KALRN: variants seen among roughly 807,000 people sequenced by gnomAD.
KALRN encodes kalirin RhoGEF kinase, also known as kalirin.
A neutral mutation model predicts 353.7 loss-of-function variants in KALRN; 70 were observed. That is an observed-to-expected ratio of 0.20 (90% CI 0.16 to 0.24). The LOEUF (loss-of-function observed/expected upper bound fraction) is 0.24, where lower values mean the gene tolerates loss of function less well. Among genes scored for constraint, KALRN ranks in the 10% least tolerant of loss-of-function variants. KALRN has a pLI of 1.00. For missense variants in KALRN, 2,791 were observed against 3,756.7 expected, an observed-to-expected ratio of 0.74 and a Z score of 6.72; for synonymous variants, 1,391 against 1,434.8, an observed-to-expected ratio of 0.97 and a Z score of 0.69.
At chr3:124,104,156 G>GT in intron 1 of KALRN, among the ~76,000 whole-genome samples, 1 of 152,252 alleles carries the variant, frequency 6.6e-6, no homozygotes, top group South Asian at 2.1e-4. Context: ...TTCATGTTAA[G>GT]TTGCTAGATG....
In KALRN at chr3:124,052,416, G is replaced by A. The variant is rs185107737; in HGVS notation, c.73+18603G>A. ...CTAGATAATGCCTTCATCAGGGACC[G>A]CCTTTCTTCTGGCTCTTCCAAGGTA... is the stretch of plus-strand genomic sequence containing the variant. On this transcript the variant is annotated intron_variant, in intron 1 of 59. Transcript: ENST00000682506. Among the ~76,000 whole-genome samples, 17 of 152,058 alleles carry A rather than the reference G, an allele frequency of 1.1e-4. No individual in the cohort carries two copies. In the South Asian group the frequency reaches 2.1e-3, roughly 19 times the overall value.
intron 11 of KALRN, 103 bp from the exon 12 acceptor site, chr3:124,395,032 G>C (rs1476714257): frequency 1.2e-6 from 1 of 801,522 alleles, no homozygotes; most frequent in Non-Finnish European, 2.1e-6. Flanking sequence ...GGCACTGACT[G>C]GTTGAGAGTA....
chr3:124,528,496 G>C (rs1035030879), intron 33 of KALRN, among the ~76,000 whole-genome samples: 2 of 152,108 alleles, frequency 1.3e-5, no homozygotes, highest in Non-Finnish European at 2.9e-5. Context: ...CAGCAGACTC[G>C]AGAGTTAAGG....
chr3:124,497,530 C>A (rs755327011), intron 33 of KALRN, among the ~76,000 whole-genome samples: 13 of 152,212 alleles, frequency 8.5e-5, no homozygotes, highest in Middle Eastern at 3.4e-3. Flanking sequence ...GCCAAATCAC[C>A]CTAATCATGC....
Position 124,491,382 on chromosome 3 carries a change from G to T in KALRN, c.4647G>T (p.Trp1549Cys). The T allele has an allele frequency of 6.2e-7, 1 of 1,610,728 alleles. No individual in the cohort carries two copies. Among genetic ancestry groups the T allele is most frequent in the Non-Finnish European group, 8.5e-7 (1 of 1,178,258 alleles). Residue 1549 changes from tryptophan to cysteine, a missense_variant, in exon 31 of 60, where the codon TGG becomes TGT. Trp to Cys is a radical substitution (Grantham distance 215). This residue lies in a region of KALRN where 239 missense variants were observed against 351.3 expected (regional missense o/e 0.68). Transcript: ENST00000682506. ...VEGDPCKFALWSGRTPSSDNK... is the reference protein window; with the variant it reads ...VEGDPCKFALCSGRTPSSDNK... ...GCGATCCCTGCAAATTCGCCTTGTGGTCTGGGCGCACCCCATCCTCAGACA... is the reference window on the plus strand; with the variant it reads ...GCGATCCCTGCAAATTCGCCTTGTGTTCTGGGCGCACCCCATCCTCAGACA...
chr3:124,061,650 A>G (rs889752569), intron 1 of KALRN, among the ~76,000 whole-genome samples: 3 of 152,240 alleles, frequency 2.0e-5, no homozygotes, highest in African/African-American at 7.2e-5. Flanking sequence ...TTTCAAGAAC[A>G]GTATGTGGCT....
intron 1 of KALRN, among the ~76,000 whole-genome samples, chr3:124,121,814 G>T (rs190126372): frequency 2.6e-5 from 4 of 152,334 alleles, no homozygotes; most frequent in Non-Finnish European, 5.9e-5. Context: ...GCTGTTGAAG[G>T]TGCAGAGTGA....
chr3:124,518,130 T>C (rs900959734), intron 33 of KALRN, among the ~76,000 whole-genome samples: 2 of 152,214 alleles, frequency 1.3e-5, no homozygotes, highest in African/African-American at 4.8e-5. Flanking sequence ...TTAGTAAAAG[T>C]GGTTCATCAG....
intron 10 of KALRN, among the ~76,000 whole-genome samples, chr3:124,352,392 T>G (rs6772915): frequency 0.61 from 92,258 of 152,038 alleles, 28,808 homozygotes; most frequent in Middle Eastern, 0.76. Context: ...TCTGTTAGTG[T>G]TCTGCTTTAT....
chr3:124,371,262 C>T (rs895429125), intron 10 of KALRN, among the ~76,000 whole-genome samples: 3 of 152,158 alleles, frequency 2.0e-5, no homozygotes, highest in African/African-American at 7.2e-5. Flanking sequence ...AAGTACTACA[C>T]ATTTCCTATG....
intron 1 of KALRN, among the ~76,000 whole-genome samples, chr3:124,204,733 G>T (rs2076257748): frequency 6.6e-6 from 1 of 152,150 alleles, no homozygotes. Flanking sequence ...CCCTGTTTTA[G>T]AATTTACCTC....
chr3:124,658,486 A>T lies in KALRN; in HGVS notation c.6092A>T (p.Tyr2031Phe). 1.2e-6 allele frequency: 2 copies of T among 1,614,072 alleles called. No homozygotes were observed. Among genetic ancestry groups the T allele is most frequent in the Non-Finnish European group, 1.7e-6 (2 of 1,179,924 alleles). Reference protein sequence around the residue: ...WYCQNKPRSEYIVAEYDAYFE... With the variant: ...WYCQNKPRSEFIVAEYDAYFE... Reference sequence around the variant, plus strand: ...TGTCAGAATAAGCCGCGCTCAGAGTACATCGTTGCTGAGTATGACGCCTAC... The same window carrying T: ...TGTCAGAATAAGCCGCGCTCAGAGTTCATCGTTGCTGAGTATGACGCCTAC... The change falls in exon 42 of 60, where the codon TAC (tyrosine) becomes TTC (phenylalanine). Residue 2031 changes from tyrosine to phenylalanine, a missense_variant. This residue lies in a region of KALRN where 1,065 missense variants were observed against 1,156.4 expected (regional missense o/e 0.92). Transcript: ENST00000682506.
At chr3:124,195,576 A>G (rs1253024759) in intron 1 of KALRN, among the ~76,000 whole-genome samples, 2 of 152,082 alleles carry the variant, frequency 1.3e-5, no homozygotes, top group Admixed American at 1.3e-4. Flanking sequence ...GTCTTATCCA[A>G]CCTGCCCTAA....
chr3:124,301,379 G>A (rs1262960067), intron 6 of KALRN, among the ~76,000 whole-genome samples: 2 of 152,192 alleles, frequency 1.3e-5, no homozygotes, highest in Non-Finnish European at 2.9e-5. Flanking sequence ...AAGAGATTTA[G>A]TATGCAACAG....
chr3:124,484,572 T>C (rs1392083598), intron 28 of KALRN, among the ~76,000 whole-genome samples: 1 of 152,216 alleles, frequency 6.6e-6, no homozygotes, highest in Non-Finnish European at 1.5e-5. Context: ...AAATTTCTTA[T>C]ATGAAGACAT....
intron 1 of KALRN, chr3:124,080,168 T>G: frequency 2.5e-6 from 1 of 398,382 alleles, no homozygotes; most frequent in Non-Finnish European, 5.4e-6. Flanking sequence ...GAGTTAGCTT[T>G]CTGTAGCCTT....
intron 1 of KALRN, among the ~76,000 whole-genome samples, chr3:124,194,215 A>G (rs2075215528): frequency 6.6e-6 from 1 of 152,220 alleles, no homozygotes; most frequent in African/African-American, 2.4e-5. Context: ...AGTATAATAA[A>G]AGAGCAGAAG....
chr3:124,368,817 C>G (rs1341456641), intron 10 of KALRN, among the ~76,000 whole-genome samples: 1 of 152,132 alleles, frequency 6.6e-6, no homozygotes, highest in African/African-American at 2.4e-5. Context: ...CCCGGCACCT[C>G]GGGAGGCCGA....
intron 1 of KALRN, among the ~76,000 whole-genome samples, chr3:124,142,957 A>G (rs549942829): frequency 6.6e-6 from 1 of 151,804 alleles, no homozygotes; most frequent in African/African-American, 2.4e-5. Flanking sequence ...TTGTTTCCCT[A>G]TAGCTACTAG....
Sources: gnomAD v4.1 joint callset for allele counts (sites outside exome capture counted in the v4.1 genomes callset) on GRCh38, gnomAD v4.1.1 for gene constraint, gnomAD v4.1.1 regional missense constraint, MANE v1.5 for transcripts, NCBI Gene and HGNC (gene_info 2026-07-23, HGNC 2026-07-21) for gene names.